Variants in ATP1A4 observed in about 807,000 individuals in gnomAD.
ATP1A4 encodes ATPase Na+/K+ transporting subunit alpha 4.
ATP1A4 carries 90 observed loss-of-function variants against 114.3 expected under a neutral mutation model. That is an observed-to-expected ratio of 0.79 (90% confidence interval 0.66 to 0.94). The LOEUF is 0.94. Ranked by LOEUF, ATP1A4 falls within the 40% of genes least tolerant of loss-of-function variation. The probability of loss-of-function intolerance (pLI) is 0.00; values close to 1 mark genes in which losing one functional copy is unlikely to be tolerated. For missense variants in ATP1A4, 1,222 were observed against 1,313.6 expected (o/e 0.93, Z 1.08); for synonymous variants, 511 against 494.1 (o/e 1.03, Z -0.45).
At chr1:160,185,417 G>A (rs543486534) in intron 20 of ATP1A4, among the ~76,000 whole-genome samples, 42 of 151,956 alleles carry the variant, frequency 2.8e-4, no homozygotes, top group East Asian at 5.8e-4. Flanking sequence ...GGCTATCACT[G>A]GCTCTTTATG....
At chr1:160,172,994 C>T (rs1245619374) in intron 12 of ATP1A4, among the ~76,000 whole-genome samples, 7 of 152,206 alleles carry the variant, frequency 4.6e-5, no homozygotes, top group Non-Finnish European at 8.8e-5. Flanking sequence ...CAGGCAATCA[C>T]CATACAGAGA....
chr1:160,166,311 C>CT (rs1430894600), intron 7 of ATP1A4, among the ~76,000 whole-genome samples: 1 of 152,160 alleles, frequency 6.6e-6, no homozygotes, highest in East Asian at 1.9e-4. Flanking sequence ...TAAATACACT[C>CT]TTTTTTGAAA....
At position 160,164,223 on chromosome 1, in the gene ATP1A4, G is replaced by A. The variant is rs377285080; in HGVS notation, c.846G>A (p.Thr282=). The A allele has an allele frequency of 1.0e-4, 162 of 1,614,220 alleles. No individual in the cohort carries two copies. In the Middle Eastern group the frequency reaches 2.1e-3, roughly 21 times the overall value. Residue 282 remains threonine, a synonymous_variant, in exon 7 of 22, where the codon ACG becomes ACA. Transcript: ENST00000368081. ...TGATGGGCAGAATTGCCTCCCTGACGTCAGGCCTGGCGGTTGGCCAGACAC... is the reference window on the plus strand; with the variant it reads ...TGATGGGCAGAATTGCCTCCCTGACATCAGGCCTGGCGGTTGGCCAGACAC... ...STVMGRIASL[T]SGLAVGQTPI... is the part of the protein sequence containing the mutation.
Position 160,173,458 on chromosome 1 carries a change from G to T in ATP1A4, c.1855-123G>T, listed in dbSNP as rs918851667. 20 of 1,375,454 alleles carry T rather than the reference G, an allele frequency of 1.5e-5. No homozygotes were observed. The South Asian group carries it at 2.8e-4, about 19-fold the overall frequency. The allele number at this position is 1,375,454 out of a possible 1,614,324, so 85.2% of individuals were successfully genotyped here. A position where few individuals can be genotyped will look rare whatever the true frequency, so the allele number is the denominator to read the frequency against. Reference sequence around the variant, plus strand: ...TTTTTGGTCTACACCACAAGTTCTTGGGAATGAGCGACTAAAACCCTTGTT... The same window carrying T: ...TTTTTGGTCTACACCACAAGTTCTTTGGAATGAGCGACTAAAACCCTTGTT... On this transcript the variant is annotated intron_variant, in intron 12 of 21. Transcript: ENST00000368081.
chr1:160,176,944 C>T (rs1454644850), intron 17 of ATP1A4, among the ~76,000 whole-genome samples: 1 of 152,074 alleles, frequency 6.6e-6, no homozygotes, highest in Non-Finnish European at 1.5e-5. Context: ...GAGAGTGGGG[C>T]TTAGACTAGT....
chr1:160,164,815 C>T (rs913150415), intron 7 of ATP1A4, among the ~76,000 whole-genome samples: 1 of 152,206 alleles, frequency 6.6e-6, no homozygotes, highest in Non-Finnish European at 1.5e-5. Flanking sequence ...ACCTTTCAAC[C>T]AGTGCTGAAT....
At position 160,153,278 on chromosome 1, in the gene ATP1A4, C is replaced by T; in HGVS notation, c.207+54C>T. 5 of 1,515,922 alleles carry T rather than the reference C, an allele frequency of 3.3e-6. No individual in the cohort carries two copies. The South Asian group carries it at 3.4e-5, about 10-fold the overall frequency. The allele number at this position is 1,515,922 out of a possible 1,614,324, so 93.9% of individuals were successfully genotyped here. A position where few individuals can be genotyped will look rare whatever the true frequency, so the allele number is the denominator to read the frequency against. On this transcript the variant is annotated intron_variant, in intron 2 of 21. Coordinates refer to ENST00000368081, the MANE Select transcript of ATP1A4 (RefSeq NM_144699.4). ...AGAGTCTCCAACTCTGACTGTGAGG[C>T]TGCCAGGACAAAAGCTGAACTAGGA...
At chr1:160,168,377 C>CTT (rs11397218) in intron 10 of ATP1A4, among the ~76,000 whole-genome samples, 3,183 of 96,816 alleles carry the variant, frequency 0.033, 167 homozygotes, top group African/African-American at 0.054. Context: ...CTGCTGGTAT[C>CTT]TTTTTTTTTT....
At chr1:160,174,330 G>A in intron 14 of ATP1A4, 69 bp downstream of exon 14, 3 of 1,599,936 alleles carry the variant, frequency 1.9e-6, no homozygotes, top group Non-Finnish European at 2.6e-6. Flanking sequence ...CCCAAACCAA[G>A]CAGAGGAACA....
rs764093753 is a variant in ATP1A4, at chr1:160,176,208, A to G, written c.2428A>G (p.Thr810Ala). 1.9e-6 allele frequency: 3 copies of G among 1,613,948 alleles called. No individual in the cohort carries two copies. The highest frequency in any genetic ancestry group is 2.5e-6 in the Non-Finnish European group (3 of 1,179,998). Residue 810 changes from threonine (T) to alanine (A), a missense_variant, in exon 16 of 22, where the codon ACC (threonine) becomes GCC (alanine). Transcript: ENST00000368081. The stretch of plus-strand genomic sequence containing the variant: ...CCTCGGTATACCCCTGCCTCTGGGA[A>G]CCATAACCATCCTCTGCATTGATCT... ...IILGIPLPLGTITILCIDLGT... is the reference protein window; with the variant it reads ...IILGIPLPLGAITILCIDLGT...
At chr1:160,167,129 C>G (rs756065295) in intron 9 of ATP1A4, 52 bp downstream of exon 9, 1 of 1,583,410 alleles carries the variant, frequency 6.3e-7, no homozygotes, top group East Asian at 2.3e-5. Context: ...TGTAACCTGA[C>G]CTCTCCCAAA....
At position 160,177,670 on chromosome 1, in the gene ATP1A4, T is replaced by C; in HGVS notation, c.2736+6T>C. Reference sequence around the variant, plus strand: ...ACAGCTACGGACAGCAGTGGGTGAGTAGAAGGGATAAGGTAGGAGCTGAGA... The same window carrying C: ...ACAGCTACGGACAGCAGTGGGTGAGCAGAAGGGATAAGGTAGGAGCTGAGA... On this transcript the variant is annotated splice_donor_region_variant and intron_variant, in intron 18 of 21. Coordinates refer to ENST00000368081, the MANE Select transcript of ATP1A4 (RefSeq NM_144699.4). The C allele has an allele frequency of 6.2e-7, 1 of 1,613,834 alleles. No homozygotes were observed. Among genetic ancestry groups the C allele is most frequent in the Non-Finnish European group, 8.5e-7 (1 of 1,179,946 alleles).
At chr1:160,180,009 G>T (rs1353401332) in intron 18 of ATP1A4, among the ~76,000 whole-genome samples, 1 of 152,188 alleles carries the variant, frequency 6.6e-6, no homozygotes, top group Non-Finnish European at 1.5e-5. Flanking sequence ...CCCAGGTGGG[G>T]AGTACAGGAC....
intron 15 of ATP1A4, 116 bp from the exon 16 acceptor site, chr1:160,175,976 C>T: frequency 1.8e-6 from 2 of 1,101,500 alleles, no homozygotes; most frequent in Non-Finnish European, 2.7e-6. Context: ...TCTAGGACCT[C>T]CAGACCCTTT....
At chr1:160,156,225 G>C in intron 4 of ATP1A4, 67 bp downstream of exon 4, 2 of 1,127,928 alleles carry the variant, frequency 1.8e-6, no homozygotes, top group African/African-American at 1.5e-5. Context: ...CAATGATGAA[G>C]TCCCGTGGAA....
intron 10 of ATP1A4, among the ~76,000 whole-genome samples, chr1:160,169,445 T>C (rs1357854616): frequency 6.6e-6 from 1 of 152,244 alleles, no homozygotes; most frequent in Non-Finnish European, 1.5e-5. Context: ...ACTGAGCACT[T>C]AGAAAACTGA....
chr1:160,173,614 G>A lies in ATP1A4; in HGVS notation c.1888G>A (p.Ala630Thr), dbSNP rs1653343891. The A allele has an allele frequency of 6.2e-7, 1 of 1,614,198 alleles. No homozygotes were observed. The highest frequency in any genetic ancestry group is 8.5e-7 in the Non-Finnish European group (1 of 1,180,032). ...IMVTGDHPIT[A>T]KAIAKGVGII... Reference sequence around the variant, plus strand: ...GGTAACAGGAGATCATCCCATTACAGCTAAGGCCATTGCCAAGGGTGTGGG... The same window carrying A: ...GGTAACAGGAGATCATCCCATTACAACTAAGGCCATTGCCAAGGGTGTGGG... The change falls in exon 13 of 22, where the codon GCT (alanine) becomes ACT (threonine). Residue 630 changes from alanine to threonine, a missense_variant. By Grantham distance (58) the Ala-to-Thr change is moderately conservative. Transcript: ENST00000368081.
In ATP1A4 at chr1:160,180,268, C is replaced by T. The variant is rs187366888; in HGVS notation, c.2737-1416C>T. ...TTCTACCGTTTAAGGCTCTACATTC[C>T]TCTCCAAGTACCACTTTGCCACATC... On this transcript the variant is annotated intron_variant, in intron 18 of 21. Coordinates refer to ENST00000368081, the MANE Select transcript of ATP1A4 (RefSeq NM_144699.4). Among the ~76,000 whole-genome samples, 328 of 152,304 alleles carry T rather than the reference C, an allele frequency of 2.2e-3. 4 individuals carry two copies. The highest frequency in any genetic ancestry group is 0.016 in the Admixed American group (245 of 15,306).
At chr1:160,163,194 C>T (rs940338652) in intron 6 of ATP1A4, among the ~76,000 whole-genome samples, 11 of 152,144 alleles carry the variant, frequency 7.2e-5, no homozygotes, top group East Asian at 3.9e-4. Flanking sequence ...TCTACACTCA[C>T]GCTGAACACA....
Sources: gnomAD v4.1 joint callset for allele counts (sites outside exome capture counted in the v4.1 genomes callset) on GRCh38, gnomAD v4.1.1 for gene constraint, MANE v1.5 for transcripts, NCBI Gene and HGNC (gene_info 2026-07-23, HGNC 2026-07-21) for gene names.